GPIHBP1: variants seen among roughly 807,000 people sequenced by gnomAD.
GPIHBP1 encodes the protein glycosylphosphatidylinositol-anchored high density lipoprotein-binding protein 1.
GPIHBP1 carries 11 observed loss-of-function variants against 13.0 expected under a neutral mutation model. The ratio of observed to expected loss-of-function variants is 0.84; its 90% CI spans 0.53 to 1.40. The LOEUF is 1.40. GPIHBP1 is among the 40% of genes most tolerant of loss of function. The probability of loss-of-function intolerance (pLI) is 0.00; values close to 1 mark genes in which losing one functional copy is unlikely to be tolerated. For missense variants in GPIHBP1, 231 were observed against 241.1 expected, an observed-to-expected ratio of 0.96 and a Z score of 0.28; for synonymous variants, 106 against 102.2, an observed-to-expected ratio of 1.04 and a Z score of -0.22.
At chr8:143,213,343 C>G (rs765548725) in intron 1 of GPIHBP1, 24 bp downstream of exon 1, 1 of 1,576,482 alleles carries the variant, frequency 6.3e-7, no homozygotes, top group Admixed American at 1.8e-5. Context: ...GGTAACCCTG[C>G]GGTGAGGGGG....
At chr8:143,213,754 T>C in intron 1 of GPIHBP1, 68 bp from the exon 2 acceptor site, 2 of 1,561,050 alleles carry the variant, frequency 1.3e-6, no homozygotes, top group Non-Finnish European at 1.7e-6. Flanking sequence ...GGGGGCACGA[T>C]GCTTGCCCAG....
Position 143,215,431 on chromosome 8 carries a change from C to G in GPIHBP1, c.468C>G (p.Gly156=). 6.2e-7 allele frequency: 1 copy of G among 1,612,492 alleles called. No individual in the cohort carries two copies. Among genetic ancestry groups the G allele is most frequent in the Non-Finnish European group, 8.5e-7 (1 of 1,179,890 alleles). Residue 156 remains glycine (G), a synonymous_variant, in exon 4 of 4, where the codon GGC becomes GGG. Coordinates refer to ENST00000622500, the MANE Select transcript of GPIHBP1 (RefSeq NM_178172.6). Reference sequence around the variant, plus strand: ...ACCCAACAGGCAAGGGGGCAGGCGGCCCCCGGGGCAGCTCCGAAACTGTGG... The same window carrying G: ...ACCCAACAGGCAAGGGGGCAGGCGGGCCCCGGGGCAGCTCCGAAACTGTGG... ...VQDPTGKGAG[G]PRGSSETVGA...
Position 143,213,687 on chromosome 8 carries a change from A to G in GPIHBP1, c.53-135A>G, listed in dbSNP as rs566541576. ...GTAGGGTGAGTAGGGTGTTCAGGGT[A>G]GGGGCCCTCCCCAGCCACCCTGGGG... On this transcript the variant is annotated intron_variant, in intron 1 of 3. Coordinates refer to ENST00000622500, the MANE Select transcript of GPIHBP1 (RefSeq NM_178172.6). 152 of 1,090,836 alleles carry G rather than the reference A, an allele frequency of 1.4e-4. No homozygotes were observed. In the African/African-American group the frequency reaches 2.2e-3, roughly 15 times the overall value. 67.6% of individuals were successfully genotyped at this position (1,090,836 alleles called of 1,614,324 possible).
Position 143,214,048 on chromosome 8 carries a change from T to A in GPIHBP1, c.181+98T>A, listed in dbSNP as rs1816263285. On this transcript the variant is annotated intron_variant, in intron 2 of 3. Coordinates refer to ENST00000622500, the MANE Select transcript of GPIHBP1 (RefSeq NM_178172.6). This position sits in a 1 kb window ranked among gnomAD's most constrained non-coding sequence, Gnocchi z 4.1. ...AAGCCAGCAGGCCACAGTCCTGCTG[T>A]GAGCTTGCCTCCAGCAGAGTGGGGG... 8.9e-6 allele frequency: 13 copies of A among 1,459,248 alleles called. No homozygotes were observed. The highest frequency in any genetic ancestry group is 1.2e-5 in the Non-Finnish European group (13 of 1,069,718). 90.4% of individuals were successfully genotyped at this position (1,459,248 alleles called of 1,614,324 possible).
At position 143,214,996 on chromosome 8, in the gene GPIHBP1, G is replaced by A. The variant is rs369934389; in HGVS notation, c.182-17G>A. On this transcript the variant is annotated splice_polypyrimidine_tract_variant and intron_variant, in intron 2 of 3. Coordinates refer to ENST00000622500, the MANE Select transcript of GPIHBP1 (RefSeq NM_178172.6). The surrounding 1 kb of genome is among the most constrained non-coding windows in gnomAD (Gnocchi z 4.1). ...CCTGGGGGGCCCGGCCTCGGCCTGA[G>A]CCCGCCTTGTCCCCAGTGCTGCTGC... The A allele has an allele frequency of 2.1e-5, 33 of 1,540,820 alleles. No homozygotes were observed. Among genetic ancestry groups the A allele is most frequent in the African/African-American group, 4.1e-5 (3 of 72,846 alleles).
In GPIHBP1 at chr8:143,216,395, A is replaced by T. The variant is rs184531522; in HGVS notation, c.*877A>T. 2 of 152,218 alleles carry T rather than the reference A, an allele frequency of 1.3e-5. No individual in the cohort carries two copies. The highest frequency in any genetic ancestry group is 2.9e-5 in the Non-Finnish European group (2 of 68,052). 9.4% of individuals were successfully genotyped at this position (152,218 alleles called of 1,614,324 possible). A position where few individuals can be genotyped will look rare whatever the true frequency, so the allele number is the denominator to read the frequency against. ...GGAGGGGTGGAGTTGATGAAAGGAG[A>T]GGAGTAGATGAGATGGAATTTTTCC... is the stretch of plus-strand genomic sequence containing the variant. On this transcript the variant is annotated 3_prime_UTR_variant, in exon 4 of 4. Coordinates refer to ENST00000622500, the MANE Select transcript of GPIHBP1 (RefSeq NM_178172.6).
Position 143,217,169 on chromosome 8 carries a change from T to A in GPIHBP1, c.*1651T>A, listed in dbSNP as rs1034132415. ...AAATAAATTTCTGCTGTGTTGAAGCTAGTTATTTGGGGTGTCTGTTACTTG... is the reference window on the plus strand; with the variant it reads ...AAATAAATTTCTGCTGTGTTGAAGCAAGTTATTTGGGGTGTCTGTTACTTG... On this transcript the variant is annotated 3_prime_UTR_variant, in exon 4 of 4. Transcript: ENST00000622500. The A allele has an allele frequency of 3.3e-5, 5 of 152,194 alleles. No individual in the cohort carries two copies. The highest frequency in any genetic ancestry group is 7.2e-5 in the African/African-American group (3 of 41,436). The allele number at this position is 152,194 out of a possible 1,614,324, so 9.4% of individuals were successfully genotyped here.
rs1011230234 is a variant in GPIHBP1, at chr8:143,216,377, T to G, written c.*859T>G. The G allele has an allele frequency of 4.6e-5, 7 of 151,476 alleles. No homozygotes were observed. Among genetic ancestry groups the G allele is most frequent in the African/African-American group, 1.7e-4 (7 of 41,110 alleles). 9.4% of individuals were successfully genotyped at this position (151,476 alleles called of 1,614,324 possible). On this transcript the variant is annotated 3_prime_UTR_variant, in exon 4 of 4. Transcript: ENST00000622500. ...AAAGCAGGCTAGAGCAGTGGAGGGG[T>G]GGAGTTGATGAAAGGAGAGGAGTAG...
chr8:143,215,460 C>A lies in GPIHBP1; in HGVS notation c.497C>A (p.Ala166Glu), dbSNP rs1255742127. ...CGGGGCAGCTCCGAAACTGTGGGCGCAGCCCTCCTGCTCAACCTCCTTGCC... is the reference window on the plus strand; with the variant it reads ...CGGGGCAGCTCCGAAACTGTGGGCGAAGCCCTCCTGCTCAACCTCCTTGCC... ...GPRGSSETVG[A>E]ALLLNLLAGL... Residue 166 changes from alanine (A) to glutamate (E), a missense_variant, in exon 4 of 4, where the codon GCA (alanine) becomes GAA (glutamate). Coordinates refer to ENST00000622500, the MANE Select transcript of GPIHBP1 (RefSeq NM_178172.6). 10 of 1,612,242 alleles carry A rather than the reference C, an allele frequency of 6.2e-6. No individual in the cohort carries two copies. Among genetic ancestry groups the A allele is most frequent in the Non-Finnish European group, 8.5e-6 (10 of 1,179,842 alleles).
chr8:143,215,154 G>T, intron 3 of GPIHBP1, 28 bp downstream of exon 3: 2 of 1,608,832 alleles, frequency 1.2e-6, no homozygotes, highest in Non-Finnish European at 1.7e-6. Context: ...CGCAGCACAT[G>T]CACCCCCAGG....
chr8:143,213,557 T>C (rs974591420), intron 1 of GPIHBP1, among the ~76,000 whole-genome samples: 10 of 151,728 alleles, frequency 6.6e-5, no homozygotes, highest in African/African-American at 2.4e-4. Flanking sequence ...CCACAGCAGC[T>C]GCTGTTGTAA....
rs946165632 is a variant in GPIHBP1 at position 143,216,025 on chromosome 8, G to A, written c.*507G>A. On this transcript the variant is annotated 3_prime_UTR_variant, in exon 4 of 4. Coordinates refer to ENST00000622500, the MANE Select transcript of GPIHBP1 (RefSeq NM_178172.6). Reference sequence around the variant, plus strand: ...CAGGAAAGACGGGCCTGGGGGAGGCGGGACAGTGGGAGAGGCGCGCTGAGG... The same window carrying A: ...CAGGAAAGACGGGCCTGGGGGAGGCAGGACAGTGGGAGAGGCGCGCTGAGG... 8.0e-5 allele frequency: 13 copies of A among 163,418 alleles called. No individual in the cohort carries two copies. The highest frequency in any genetic ancestry group is 2.3e-4 in the Admixed American group (4 of 17,424). 10.1% of individuals were successfully genotyped at this position (163,418 alleles called of 1,614,324 possible).
At position 143,216,090 on chromosome 8, in the gene GPIHBP1, T is replaced by C. The variant is rs1414356201; in HGVS notation, c.*572T>C. 1 of 10,732 alleles carries C rather than the reference T, an allele frequency of 9.3e-5. No homozygotes were observed. Among genetic ancestry groups the C allele is most frequent in the Non-Finnish European group, 1.8e-4 (1 of 5,548 alleles). 0.7% of individuals were successfully genotyped at this position (10,732 alleles called of 1,614,324 possible). A position where few individuals can be genotyped will look rare whatever the true frequency, so the allele number is the denominator to read the frequency against. Reference sequence around the variant, plus strand: ...GGAGGTGGGTTGGGGTGAGGCCACATGCGGAGGGGCGGGGCGGGGGGGGGC... The same window carrying C: ...GGAGGTGGGTTGGGGTGAGGCCACACGCGGAGGGGCGGGGCGGGGGGGGGC... On this transcript the variant is annotated 3_prime_UTR_variant, in exon 4 of 4. Coordinates refer to ENST00000622500, the MANE Select transcript of GPIHBP1 (RefSeq NM_178172.6).
rs1354445206 is a variant in GPIHBP1, at chr8:143,213,860, G to A, written c.91G>A (p.Glu31Lys). 9.6e-6 allele frequency: 15 copies of A among 1,556,668 alleles called. No homozygotes were observed. The East Asian group carries it at 1.5e-4, about 15-fold the overall frequency. Residue 31 changes from glutamate (E) to lysine (K), a missense_variant, in exon 2 of 4, where the codon GAG (glutamate) becomes AAG (lysine). By Grantham distance (56) the Glu-to-Lys change is moderately conservative (BLOSUM62 1). Transcript: ENST00000622500. ...ACAGCAGGAGGAAGAGGAAGAGGAC[G>A]AGGACCACGGGCCAGATGACTACGA... ...QTQQEEEEED[E>K]DHGPDDYDEE...
Position 143,215,583 on chromosome 8 carries a change from T to A in GPIHBP1, c.*65T>A. On this transcript the variant is annotated 3_prime_UTR_variant, in exon 4 of 4. Coordinates refer to ENST00000622500, the MANE Select transcript of GPIHBP1 (RefSeq NM_178172.6). ...CCCTGCCAGCACTCTGTCTGGTACC[T>A]TCCCCTCCTGCCCCTGCACCAGCTT... 7.8e-7 allele frequency: 1 copy of A among 1,284,348 alleles called. No homozygotes were observed. The highest frequency in any genetic ancestry group is 1.1e-6 in the Non-Finnish European group (1 of 947,008). The allele number at this position is 1,284,348 out of a possible 1,614,324, so 79.6% of individuals were successfully genotyped here. A position where few individuals can be genotyped will look rare whatever the true frequency, so the allele number is the denominator to read the frequency against.
In GPIHBP1 at chr8:143,214,435, C is replaced by A. The variant is rs563160596; in HGVS notation, c.181+485C>A. Among the ~76,000 whole-genome samples, 5 of 152,184 alleles carry A rather than the reference C, an allele frequency of 3.3e-5. No homozygotes were observed. The highest frequency in any genetic ancestry group is 1.2e-4 in the African/African-American group (5 of 41,502). On this transcript the variant is annotated intron_variant, in intron 2 of 3. Transcript: ENST00000622500. This position sits in a 1 kb window ranked among gnomAD's most constrained non-coding sequence, Gnocchi z 4.1. ...CACCTGACACACCCCTACACGTGGG[C>A]CACCCTCTGCTCTCTCCCATCCCGA...
Position 143,214,898 on chromosome 8 carries a change from C to T in GPIHBP1, c.182-115C>T. Reference sequence around the variant, plus strand: ...CGCCCGCCCATCTGAGCAGTGGGTGCTGGAGGCTCACCAGGCTAGGCTTTG... The same window carrying T: ...CGCCCGCCCATCTGAGCAGTGGGTGTTGGAGGCTCACCAGGCTAGGCTTTG... On this transcript the variant is annotated intron_variant, in intron 2 of 3. Coordinates refer to ENST00000622500, the MANE Select transcript of GPIHBP1 (RefSeq NM_178172.6). The surrounding 1 kb of genome is among the most constrained non-coding windows in gnomAD (Gnocchi z 4.1). 1 of 729,718 alleles carries T rather than the reference C, an allele frequency of 1.4e-6. No individual in the cohort carries two copies. Among genetic ancestry groups the T allele is most frequent in the East Asian group, 2.7e-5 (1 of 37,212 alleles). The allele number at this position is 729,718 out of a possible 1,614,324, so 45.2% of individuals were successfully genotyped here. A position where few individuals can be genotyped will look rare whatever the true frequency, so the allele number is the denominator to read the frequency against.
chr8:143,214,224 G>C lies in GPIHBP1; in HGVS notation c.181+274G>C, dbSNP rs1222060898. 6.6e-6 allele frequency among the ~76,000 whole-genome samples: 1 copy of C among 152,092 alleles called. No homozygotes were observed. The highest frequency in any genetic ancestry group is 1.5e-5 in the Non-Finnish European group (1 of 68,020). ...TCACCAGGCAGAGAAGGGCTCAGTG[G>C]GGGCCTAGGGTGGAGACACAAGCAC... On this transcript the variant is annotated intron_variant, in intron 2 of 3. Coordinates refer to ENST00000622500, the MANE Select transcript of GPIHBP1 (RefSeq NM_178172.6). The surrounding 1 kb of genome is among the most constrained non-coding windows in gnomAD (Gnocchi z 4.1).
Position 143,213,330 on chromosome 8 carries a change from A to G in GPIHBP1, c.52+11A>G. On this transcript the variant is annotated intron_variant, in intron 1 of 3. Transcript: ENST00000622500. ...TGTTCGGGCGGCCAGGTGCGGGGCA[A>G]AGGGTAACCCTGCGGTGAGGGGGCA... The G allele has an allele frequency of 6.3e-7, 1 of 1,591,632 alleles. No individual in the cohort carries two copies. The highest frequency in any genetic ancestry group is 1.8e-5 in the Admixed American group (1 of 57,142).
Sources: gnomAD v4.1 joint callset for allele counts (sites outside exome capture counted in the v4.1 genomes callset) on GRCh38, gnomAD v4.1.1 for gene constraint, Gnocchi (gnomAD v3.1) non-coding constraint, MANE v1.5 for transcripts, NCBI Gene and HGNC (gene_info 2026-07-23, HGNC 2026-07-21) for gene names.